Variants in MACROD2 observed in about 807,000 individuals in gnomAD.
The protein encoded by MACROD2 is ADP-ribose glycohydrolase MACROD2.
In MACROD2, 36 loss-of-function variants were observed where a neutral mutation model predicts 70.4. That is an observed-to-expected ratio of 0.51 (90% CI 0.39 to 0.68). The LOEUF is 0.68. Ranked by LOEUF, MACROD2 falls within the 30% of genes least tolerant of loss-of-function variation. MACROD2 has a pLI of 0.00. For synonymous variants in MACROD2, 172 were observed against 178.8 expected (o/e 0.96, Z 0.30); for missense variants, 496 against 538.4 (o/e 0.92, Z 0.78).
chr20:14,637,910 A>C (rs1984869835), intron 4 of MACROD2, among the ~76,000 whole-genome samples: 1 of 152,190 alleles, frequency 6.6e-6, no homozygotes, highest in Non-Finnish European at 1.5e-5. Flanking sequence ...GACTTCCAAA[A>C]AATGTTTCTT....
intron 4 of MACROD2, among the ~76,000 whole-genome samples, chr20:14,667,141 G>A (rs1245296315): frequency 2.6e-5 from 4 of 152,068 alleles, no homozygotes; most frequent in Non-Finnish European, 1.5e-5. Flanking sequence ...TTATCGTAAT[G>A]TAAATCTGTG....
At chr20:15,629,207 A>G (rs2049251699) in intron 8 of MACROD2, among the ~76,000 whole-genome samples, 4 of 152,142 alleles carry the variant, frequency 2.6e-5, no homozygotes, top group Admixed American at 2.0e-4. Context: ...GTTTTTACAA[A>G]TTTGCACTCT....
chr20:14,956,838 C>T (rs1323775490), intron 5 of MACROD2, among the ~76,000 whole-genome samples: 1 of 152,116 alleles, frequency 6.6e-6, no homozygotes, highest in African/African-American at 2.4e-5. Context: ...TTGCCACACG[C>T]TTCTGATGAT....
At chr20:15,029,998 G>A (rs1287427972) in intron 5 of MACROD2, among the ~76,000 whole-genome samples, 1 of 150,100 alleles carries the variant, frequency 6.7e-6, no homozygotes, top group South Asian at 2.1e-4. Flanking sequence ...GCTGAGGCAC[G>A]AGAGTTGCTT....
chr20:14,906,323 G>A (rs930741406), intron 5 of MACROD2, among the ~76,000 whole-genome samples: 11 of 152,088 alleles, frequency 7.2e-5, no homozygotes, highest in South Asian at 2.1e-4. Context: ...GCAAAACCCC[G>A]TCTCTACTAA....
At chr20:14,564,979 A>G (rs1359540144) in intron 4 of MACROD2, among the ~76,000 whole-genome samples, 3 of 151,994 alleles carry the variant, frequency 2.0e-5, no homozygotes, top group African/African-American at 7.2e-5. Context: ...TGGCATATAT[A>G]TACCATGGAA....
intron 15 of MACROD2, among the ~76,000 whole-genome samples, chr20:16,017,930 T>G (rs781555328): frequency 2.6e-5 from 4 of 152,056 alleles, no homozygotes; most frequent in Admixed American, 6.5e-5. Context: ...TCCCACAGAG[T>G]CTGGGAGAAC....
intron 3 of MACROD2, among the ~76,000 whole-genome samples, chr20:14,279,150 A>G (rs1423989037): frequency 6.6e-6 from 1 of 152,218 alleles, no homozygotes. Context: ...CTAAAGGCTT[A>G]TCACTGAGTA....
chr20:14,506,383 C>T (rs1034093877), intron 4 of MACROD2, among the ~76,000 whole-genome samples: 1 of 152,196 alleles, frequency 6.6e-6, no homozygotes, highest in South Asian at 2.1e-4. Flanking sequence ...ACTTCCCTAC[C>T]CATATAAAGA....
intron 5 of MACROD2, among the ~76,000 whole-genome samples, chr20:14,784,668 T>TTGG (rs1491306216): frequency 1.1e-5 from 1 of 94,870 alleles, no homozygotes; most frequent in African/African-American, 3.5e-5. Context: ...GTGTTTTAAG[T>TTGG]GGGGGGGGGG....
intron 11 of MACROD2, 60 bp from the exon 12 acceptor site, chr20:15,937,416 G>T: frequency 6.5e-7 from 1 of 1,531,366 alleles, no homozygotes; most frequent in Non-Finnish European, 9.0e-7. Context: ...GGGCAGGAAA[G>T]CCACAGCTGG....
intron 8 of MACROD2, among the ~76,000 whole-genome samples, chr20:15,677,795 G>A (rs574007521): frequency 1.1e-4 from 16 of 152,262 alleles, no homozygotes; most frequent in African/African-American, 3.1e-4. Context: ...TTGGCCAGGC[G>A]CGGTGGCTCA....
intron 5 of MACROD2, among the ~76,000 whole-genome samples, chr20:15,060,842 A>G (rs1254991220): frequency 2.0e-5 from 3 of 152,210 alleles, no homozygotes; most frequent in African/African-American, 4.8e-5. Context: ...CACTAGCAGT[A>G]TACCCATGAG....
chr20:14,768,325 G>A (rs2072118909), intron 5 of MACROD2, among the ~76,000 whole-genome samples: 2 of 151,982 alleles, frequency 1.3e-5, no homozygotes, highest in Non-Finnish European at 2.9e-5. Flanking sequence ...TTTAATGATC[G>A]CCATTCTAAT....
intron 5 of MACROD2, among the ~76,000 whole-genome samples, chr20:14,948,631 G>C (rs2074451704): frequency 6.6e-6 from 1 of 152,112 alleles, no homozygotes; most frequent in Non-Finnish European, 1.5e-5. Context: ...CCAAACCTGT[G>C]GTACTGCAAG....
At chr20:15,231,301 A>C (rs2076957351) in intron 6 of MACROD2, among the ~76,000 whole-genome samples, 1 of 152,082 alleles carries the variant, frequency 6.6e-6, no homozygotes, top group Non-Finnish European at 1.5e-5. Context: ...GTGAAAGCTG[A>C]AGTTCAAAGA....
intron 5 of MACROD2, among the ~76,000 whole-genome samples, chr20:15,164,372 G>C (rs1269603181): frequency 1.3e-5 from 2 of 151,936 alleles, no homozygotes; most frequent in Non-Finnish European, 2.9e-5. Context: ...TGTGGACTTT[G>C]GTATGAGAAG....
chr20:14,968,893 C>T (rs137978616), intron 5 of MACROD2, among the ~76,000 whole-genome samples: 11 of 152,200 alleles, frequency 7.2e-5, no homozygotes, highest in African/African-American at 1.2e-4. Flanking sequence ...TTTGTTTTCA[C>T]GCACAATACT....
At position 15,395,514 on chromosome 20, in the gene MACROD2, C is replaced by T. The variant is rs75997724; in HGVS notation, c.541-35891C>T. Among the ~76,000 whole-genome samples the T allele has an allele frequency of 4.6e-3, 694 of 152,194 alleles. 3 individuals carry two copies. The highest frequency in any genetic ancestry group is 9.3e-3 in the South Asian group (45 of 4,822). ...ATAGAAAAAAATTAAATATTTTAGG[C>T]TTTGAAGACCGTGCAGTCTCTGTCA... On this transcript the variant is annotated intron_variant, in intron 6 of 17. Transcript: ENST00000684519.
Sources: gnomAD v4.1 joint callset for allele counts (sites outside exome capture counted in the v4.1 genomes callset) on GRCh38, gnomAD v4.1.1 for gene constraint, MANE v1.5 for transcripts, NCBI Gene and HGNC (gene_info 2026-07-23, HGNC 2026-07-21) for gene names.